ASH1L: variants seen among roughly 807,000 people sequenced by gnomAD.
ASH1L encodes the protein ASH1 like histone lysine methyltransferase.
ASH1L carries 23 observed loss-of-function variants against 269.0 expected under a neutral mutation model. That is an observed-to-expected ratio of 0.09 (90% CI 0.06 to 0.12). The LOEUF is 0.12. ASH1L is among the 10% of genes least tolerant of loss of function. The pLI is 1.00. For missense variants in ASH1L, 2,912 were observed against 3,567.8 expected, an observed-to-expected ratio of 0.82 and a Z score of 4.68; for synonymous variants, 1,187 against 1,253.5, an observed-to-expected ratio of 0.95 and a Z score of 1.12.
chr1:155,550,920 C>T (rs1671150995), intron 1 of ASH1L, among the ~76,000 whole-genome samples: 1 of 152,094 alleles, frequency 6.6e-6, no homozygotes, highest in Admixed American at 6.6e-5. Context: ...ACCTCCTGGG[C>T]TCAAGAAATC....
At chr1:155,547,845 C>T (rs527698640) in intron 1 of ASH1L, among the ~76,000 whole-genome samples, 8 of 152,190 alleles carry the variant, frequency 5.3e-5, no homozygotes, top group African/African-American at 1.9e-4. Context: ...TGGTGGCAGG[C>T]GCCTGTAGTC....
At chr1:155,422,723 A>C (rs751861931) in intron 5 of ASH1L, among the ~76,000 whole-genome samples, 218 of 137,356 alleles carry the variant, frequency 1.6e-3, no homozygotes, top group Non-Finnish European at 2.3e-3. Flanking sequence ...ATCTCGGCTC[A>C]CTGCAGCCTC....
At position 155,484,944 on chromosome 1, in the gene ASH1L, CA is replaced by C. The variant is rs1323798548; in HGVS notation, c.421-2496del. Among the ~76,000 whole-genome samples the C allele has an allele frequency of 2.0e-4, 18 of 91,050 alleles. No homozygotes were observed. In the Admixed American group the frequency reaches 2.0e-3, roughly 10 times the overall value. 59.7% of individuals were successfully genotyped at this position (91,050 alleles called of 152,430 possible). A position where few individuals can be genotyped will look rare whatever the true frequency, so the allele number is the denominator to read the frequency against. ...GCTCTGTCTCAAAAAAAAAAAAAAA[CA>C]AAAACAAAAACAAAAACAAAAACCA... On this transcript the variant is annotated intron_variant, in intron 2 of 27. Coordinates refer to ENST00000392403, the MANE Select transcript of ASH1L (RefSeq NM_018489.3).
chr1:155,539,451 A>ATG (rs35262247), intron 1 of ASH1L, among the ~76,000 whole-genome samples: 81,255 of 148,614 alleles, frequency 0.55, 24,523 homozygotes, highest in Middle Eastern at 0.7. Context: ...TTATATATAT[A>ATG]TATATATTTT....
At position 155,470,592 on chromosome 1, in the gene ASH1L, C is replaced by T. The variant is rs1665026402; in HGVS notation, c.4984+7294G>A. ...TCTGAGACAGAGTCTCGCTCTGTTG[C>T]CCAGGCCGGAGTGCAATGGTGCAAT... On this transcript the variant is annotated intron_variant, in intron 3 of 27. Transcript: ENST00000392403. Among the ~76,000 whole-genome samples the T allele has an allele frequency of 2.8e-5, 4 of 143,716 alleles. No individual in the cohort carries two copies. The Admixed American group carries it at 2.8e-4, about 10-fold the overall frequency. 94.3% of individuals were successfully genotyped at this position (143,716 alleles called of 152,430 possible).
chr1:155,349,708 T>C (rs1570963388), intron 17 of ASH1L, 112 bp from the exon 18 acceptor site: 1 of 526,808 alleles, frequency 1.9e-6, no homozygotes, highest in Non-Finnish European at 3.2e-6. Flanking sequence ...AAAATCCAAG[T>C]CTTTTTTTTT....
chr1:155,514,391 C>A (rs115717395), intron 2 of ASH1L, among the ~76,000 whole-genome samples: 1,546 of 152,134 alleles, frequency 0.01, 28 homozygotes, highest in African/African-American at 0.035. Context: ...ATAAATAAAA[C>A]AGGTAATACT....
intron 8 of ASH1L, 105 bp downstream of exon 8, chr1:155,379,938 C>A: frequency 1.2e-6 from 1 of 821,944 alleles, no homozygotes; most frequent in South Asian, 1.6e-5. Context: ...CTTCTGAAAA[C>A]CTCCTAAGAT....
chr1:155,404,397 G>A (rs145304783), intron 6 of ASH1L, among the ~76,000 whole-genome samples: 2 of 152,158 alleles, frequency 1.3e-5, no homozygotes, highest in East Asian at 3.9e-4. Context: ...ATAAAGGCCA[G>A]ATATAGTGGC....
chr1:155,408,261 T>C (rs1322664542), intron 6 of ASH1L, among the ~76,000 whole-genome samples: 3 of 152,196 alleles, frequency 2.0e-5, no homozygotes, highest in African/African-American at 4.8e-5. Context: ...AGATAATAAA[T>C]GGATGATATT....
chr1:155,410,388 C>T (rs969931619), intron 6 of ASH1L, among the ~76,000 whole-genome samples: 3 of 152,152 alleles, frequency 2.0e-5, no homozygotes, highest in Non-Finnish European at 4.4e-5. Flanking sequence ...ACTGCAACCT[C>T]TGCCTCCGGA....
At chr1:155,401,174 G>T (rs1005140324) in intron 6 of ASH1L, among the ~76,000 whole-genome samples, 6 of 150,022 alleles carry the variant, frequency 4.0e-5, no homozygotes, top group African/African-American at 1.5e-4. Flanking sequence ...AAAAAAAAAA[G>T]TGTTAAAAAA....
chr1:155,509,016 A>T (rs1045684972), intron 2 of ASH1L, among the ~76,000 whole-genome samples: 2 of 152,192 alleles, frequency 1.3e-5, no homozygotes, highest in African/African-American at 4.8e-5. Context: ...TCAACCACAG[A>T]TAAAGATGAA....
At chr1:155,376,912 T>C (rs1015817629) in intron 10 of ASH1L, among the ~76,000 whole-genome samples, 1 of 151,762 alleles carries the variant, frequency 6.6e-6, no homozygotes, top group African/African-American at 2.4e-5. Context: ...CATAATTCTT[T>C]TTTTTTGGGG....
intron 6 of ASH1L, among the ~76,000 whole-genome samples, chr1:155,399,250 A>C (rs1428601051): frequency 6.6e-6 from 1 of 152,206 alleles, no homozygotes; most frequent in African/African-American, 2.4e-5. Flanking sequence ...CAAGTTGAAC[A>C]AAGGGTGGCC....
At chr1:155,416,065 T>A in intron 5 of ASH1L, 142 bp from the exon 6 acceptor site, 3 of 597,534 alleles carry the variant, frequency 5.0e-6, no homozygotes, top group Non-Finnish European at 8.3e-6. Flanking sequence ...AAATAACTGG[T>A]ACCAGACTTC....
chr1:155,347,827 C>G lies in ASH1L; in HGVS notation c.7632G>C (p.Glu2544Asp). ...CAATCTCATCAATCTGGGCTGATGC[C>G]TCATGCCGGGCATTGTAATAGGCCT... ...LRKAYYNARHEASAQIDEIVG... is the reference protein window; with the variant it reads ...LRKAYYNARHDASAQIDEIVG... The change falls in exon 20 of 28, where the codon GAG (glutamate) becomes GAC (aspartate). Residue 2544 changes from glutamate (E) to aspartate (D), a missense_variant. Glu to Asp is a conservative substitution (Grantham distance 45). Around this residue, in one of 13 missense-constraint regions of ASH1L, gnomAD observed 309 missense variants for 435.1 expected, o/e 0.71. Transcript: ENST00000392403. 6.2e-7 allele frequency: 1 copy of G among 1,614,226 alleles called. No homozygotes were observed.
At chr1:155,509,181 T>G (rs1341148330) in intron 2 of ASH1L, among the ~76,000 whole-genome samples, 1 of 152,034 alleles carries the variant, frequency 6.6e-6, no homozygotes, top group Non-Finnish European at 1.5e-5. Flanking sequence ...ACAAAATACT[T>G]AAAACTGTAT....
At chr1:155,373,148 C>T (rs1402200584) in intron 10 of ASH1L, among the ~76,000 whole-genome samples, 5 of 150,624 alleles carry the variant, frequency 3.3e-5, no homozygotes, top group Admixed American at 1.3e-4. Flanking sequence ...GTCCGGCGGA[C>T]GTTGCCGTGA....
Sources: gnomAD v4.1 joint callset for allele counts (sites outside exome capture counted in the v4.1 genomes callset) on GRCh38, gnomAD v4.1.1 for gene constraint, gnomAD v4.1.1 regional missense constraint, MANE v1.5 for transcripts, NCBI Gene and HGNC (gene_info 2026-07-23, HGNC 2026-07-21) for gene names.